Variants in ANKRD17 observed in about 807,000 individuals in gnomAD.
ANKRD17 encodes ankyrin repeat domain-containing protein 17.
A neutral mutation model predicts 229.7 loss-of-function variants in ANKRD17; 19 were observed. The observed-to-expected ratio is 0.08, with a 90% confidence interval of 0.06 to 0.12. ANKRD17 has a LOEUF of 0.12. Ranked by LOEUF, ANKRD17 falls within the 10% of genes least tolerant of loss-of-function variation. ANKRD17 has a pLI of 1.00. For missense variants in ANKRD17, 2,176 were observed against 3,176.8 expected (o/e 0.68, Z 7.57); for synonymous variants, 1,112 against 1,146.1 (o/e 0.97, Z 0.60).
chr4:73,119,716 C>T (rs572328902), intron 21 of ANKRD17, among the ~76,000 whole-genome samples: 2 of 152,292 alleles, frequency 1.3e-5, no homozygotes, highest in Non-Finnish European at 1.5e-5. Context: ...GCAACTTCTA[C>T]GTGACTGAAA....
chr4:73,192,497 G>C (rs1410229119), intron 1 of ANKRD17, among the ~76,000 whole-genome samples: 1 of 151,842 alleles, frequency 6.6e-6, no homozygotes, highest in Non-Finnish European at 1.5e-5. Context: ...ATCAAAGAAT[G>C]AAATCAAAGA....
At chr4:73,204,690 A>G (rs1739216145) in intron 1 of ANKRD17, among the ~76,000 whole-genome samples, 1 of 152,156 alleles carries the variant, frequency 6.6e-6, no homozygotes, top group Admixed American at 6.5e-5. Context: ...GATTCACAAC[A>G]TAGGTAGAAA....
intron 1 of ANKRD17, among the ~76,000 whole-genome samples, chr4:73,220,225 G>T (rs866754409): frequency 6.6e-6 from 1 of 152,074 alleles, no homozygotes; most frequent in Non-Finnish European, 1.5e-5. Context: ...AACAAGAAAA[G>T]AGGTATTTAT....
chr4:73,108,475 G>T (rs1472693154), intron 24 of ANKRD17, among the ~76,000 whole-genome samples: 1 of 152,158 alleles, frequency 6.6e-6, no homozygotes, highest in South Asian at 2.1e-4. Flanking sequence ...TCGCTAAAAG[G>T]TAGGGGAGAA....
chr4:73,143,305 T>C (rs1729836450), intron 11 of ANKRD17, among the ~76,000 whole-genome samples: 1 of 152,200 alleles, frequency 6.6e-6, no homozygotes, highest in Non-Finnish European at 1.5e-5. Flanking sequence ...TTTGTTGTTT[T>C]CGTAGAAATG....
At position 73,091,659 on chromosome 4, in the gene ANKRD17, C is replaced by G. The variant is rs1316830250; in HGVS notation, c.5969G>C (p.Ser1990Thr). 1 of 1,614,180 alleles carries G rather than the reference C, an allele frequency of 6.2e-7. No homozygotes were observed. The highest frequency in any genetic ancestry group is 1.1e-5 in the South Asian group (1 of 91,090). ...VPGTSTNGSP[S>T]SPSVRRQLFV... Reference sequence around the variant, plus strand: ...AAGCTGCCTTCGGACAGAAGGTGAACTTGGACTGCCATTTGTAGATGTACC... The same window carrying G: ...AAGCTGCCTTCGGACAGAAGGTGAAGTTGGACTGCCATTTGTAGATGTACC... Residue 1990 changes from serine (S) to threonine (T), a missense_variant, in exon 29 of 34, where the codon AGT becomes ACT. By Grantham distance (58) the Ser-to-Thr change is moderately conservative (BLOSUM62 1). Coordinates refer to ENST00000358602, the MANE Select transcript of ANKRD17 (RefSeq NM_032217.5).
chr4:73,208,180 C>G (rs1739754597), intron 1 of ANKRD17, among the ~76,000 whole-genome samples: 1 of 120,902 alleles, frequency 8.3e-6, no homozygotes, highest in African/African-American at 3.4e-5. Context: ...CACAGCGAGA[C>G]TCCGTCTCAA....
At chr4:73,230,818 T>C (rs1023782708) in intron 1 of ANKRD17, among the ~76,000 whole-genome samples, 3 of 152,214 alleles carry the variant, frequency 2.0e-5, no homozygotes, top group Admixed American at 1.3e-4. Context: ...TAGTTGTGTC[T>C]GTTGGACACT....
chr4:73,094,497 T>C (rs2110180965), intron 27 of ANKRD17, among the ~76,000 whole-genome samples: 1 of 152,208 alleles, frequency 6.6e-6, no homozygotes, highest in South Asian at 2.1e-4. Context: ...GTAAAGCACA[T>C]ACTATGTAGA....
At chr4:73,237,688 T>C (rs1014589272) in intron 1 of ANKRD17, among the ~76,000 whole-genome samples, 2 of 152,204 alleles carry the variant, frequency 1.3e-5, no homozygotes, top group South Asian at 2.1e-4. Flanking sequence ...CCTAGTATTA[T>C]CTGCTAAGCC....
intron 1 of ANKRD17, among the ~76,000 whole-genome samples, chr4:73,232,622 T>C (rs954221714): frequency 6.6e-6 from 1 of 152,180 alleles, no homozygotes; most frequent in Non-Finnish European, 1.5e-5. Context: ...CTTCTATTTG[T>C]ACCTCAGACA....
chr4:73,240,046 A>T (rs1578497413), intron 1 of ANKRD17, among the ~76,000 whole-genome samples: 1 of 152,202 alleles, frequency 6.6e-6, no homozygotes, highest in Non-Finnish European at 1.5e-5. Flanking sequence ...ATAAACAGTG[A>T]AACAGTTCTT....
intron 1 of ANKRD17, among the ~76,000 whole-genome samples, chr4:73,248,475 A>C (rs1004646288): frequency 6.6e-6 from 1 of 152,042 alleles, no homozygotes; most frequent in Admixed American, 6.5e-5. Flanking sequence ...AATTTTATGA[A>C]TCTAGAAATA....
At chr4:73,193,224 T>C (rs1737369396) in intron 1 of ANKRD17, among the ~76,000 whole-genome samples, 1 of 152,218 alleles carries the variant, frequency 6.6e-6, no homozygotes, top group South Asian at 2.1e-4. Context: ...GATTCATAAA[T>C]GTTGTAGCAT....
rs553617477 is a variant in ANKRD17 at position 73,093,024 on chromosome 4, C to T, written c.5328-724G>A. 5.4e-4 allele frequency among the ~76,000 whole-genome samples: 82 copies of T among 152,176 alleles called. 1 individual carries two copies. The South Asian group carries it at 0.016, about 30-fold the overall frequency. ...TTCCCTCTTTTCTAGATAAGATAGG[C>T]TGTGACTACCCAAATACCCAGGGGA... On this transcript the variant is annotated intron_variant, in intron 28 of 33. Coordinates refer to ENST00000358602, the MANE Select transcript of ANKRD17 (RefSeq NM_032217.5).
chr4:73,208,708 G>A (rs1739842658), intron 1 of ANKRD17, among the ~76,000 whole-genome samples: 1 of 152,104 alleles, frequency 6.6e-6, no homozygotes, highest in South Asian at 2.1e-4. Flanking sequence ...AAAACATTTA[G>A]AACTAAATGC....
At chr4:73,213,919 A>G (rs2149171457) in intron 1 of ANKRD17, among the ~76,000 whole-genome samples, 1 of 152,352 alleles carries the variant, frequency 6.6e-6, no homozygotes, top group South Asian at 2.1e-4. Flanking sequence ...AGGATAGGAA[A>G]GACACTTTAT....
At chr4:73,183,437 T>C (rs1260943262) in intron 1 of ANKRD17, among the ~76,000 whole-genome samples, 3 of 152,072 alleles carry the variant, frequency 2.0e-5, no homozygotes, top group Admixed American at 6.6e-5. Context: ...GAAATAGATA[T>C]ATAGAGGGTT....
Position 73,139,669 on chromosome 4 carries a change from C to T in ANKRD17, c.2947G>A (p.Val983Met). 2 of 1,614,160 alleles carry T rather than the reference C, an allele frequency of 1.2e-6. No homozygotes were observed. Among genetic ancestry groups the T allele is most frequent in the Non-Finnish European group, 1.7e-6 (2 of 1,180,028 alleles). Residue 983 changes from valine (V) to methionine (M), a missense_variant, in exon 15 of 34, where the codon GTG (valine) becomes ATG (methionine). Transcript: ENST00000358602. ...CCCAGTACTGGCTGTCCAACTATCACTCCTTGCAGTTCTGTAAGATTTGCG... is the reference window on the plus strand; with the variant it reads ...CCCAGTACTGGCTGTCCAACTATCATTCCTTGCAGTTCTGTAAGATTTGCG... Reference protein sequence around the residue: ...SIANLTELQGVIVGQPVLGQA... With the variant: ...SIANLTELQGMIVGQPVLGQA...
Sources: gnomAD v4.1 joint callset for allele counts (sites outside exome capture counted in the v4.1 genomes callset) on GRCh38, gnomAD v4.1.1 for gene constraint, MANE v1.5 for transcripts, NCBI Gene and HGNC (gene_info 2026-07-23, HGNC 2026-07-21) for gene names.